Variants in UBE2E3 observed in about 807,000 individuals in gnomAD.
UBE2E3 encodes the protein ubiquitin conjugating enzyme E2 E3.
In UBE2E3, 5 loss-of-function variants were observed where a neutral mutation model predicts 23.6. The ratio of observed to expected loss-of-function variants is 0.21; its 90% confidence interval spans 0.11 to 0.44. The LOEUF is 0.44. UBE2E3 is among the 20% of genes least tolerant of loss of function. The probability of loss-of-function intolerance (pLI) is 0.99; values close to 1 mark genes in which losing one functional copy is unlikely to be tolerated. For synonymous variants in UBE2E3, 78 were observed against 87.5 expected (o/e 0.89, Z 0.60); for missense variants, 81 against 249.8 (o/e 0.32, Z 4.55).
Position 181,003,649 on chromosome 2 carries a change from A to G in UBE2E3, c.245+19556A>G, listed in dbSNP as rs140170115. 1.9e-3 allele frequency among the ~76,000 whole-genome samples: 291 copies of G among 152,328 alleles called. 1 individual carries two copies. Among genetic ancestry groups the G allele is most frequent in the African/African-American group, 6.8e-3 (284 of 41,568 alleles). ...TGAATATTATAAAACTTTATAAAACAAAATTTATTTGTTTGCACATAGTAC... is the reference window on the plus strand; with the variant it reads ...TGAATATTATAAAACTTTATAAAACGAAATTTATTTGTTTGCACATAGTAC... On this transcript the variant is annotated intron_variant, in intron 3 of 5. Coordinates refer to ENST00000410062, the MANE Select transcript of UBE2E3 (RefSeq NM_006357.4).
chr2:181,036,112 A>T (rs985745936), intron 3 of UBE2E3, among the ~76,000 whole-genome samples: 2 of 152,194 alleles, frequency 1.3e-5, no homozygotes, highest in South Asian at 2.1e-4. Context: ...GTACATTCTA[A>T]TTTTTGCAAA....
chr2:181,062,665 G>C (rs1446330622), intron 5 of UBE2E3, 126 bp from the exon 6 acceptor site: 1 of 419,512 alleles, frequency 2.4e-6, no homozygotes, highest in African/African-American at 2.1e-5. Flanking sequence ...TTTTTCTTTT[G>C]AAAATTTAGC....
At chr2:181,057,232 A>G (rs1418203474) in intron 3 of UBE2E3, among the ~76,000 whole-genome samples, 1 of 151,828 alleles carries the variant, frequency 6.6e-6, no homozygotes, top group African/African-American at 2.4e-5. Flanking sequence ...TACTTTAAAG[A>G]ATTGTATTAA....
intron 3 of UBE2E3, among the ~76,000 whole-genome samples, chr2:181,011,508 A>G (rs922621765): frequency 2.0e-5 from 3 of 152,048 alleles, no homozygotes; most frequent in African/African-American, 7.2e-5. Context: ...TTTGGAGGGG[A>G]CATTCAACCC....
In UBE2E3 at chr2:181,062,775, C is replaced by G. The variant is rs1289158682; in HGVS notation, c.527-16C>G. ...ATACCACAAAATAGCTTTTAATGTT[C>G]TTTCTGCTTTTCCAGCGGATCCTCT... is the stretch of plus-strand genomic sequence containing the variant. On this transcript the variant is annotated splice_polypyrimidine_tract_variant and intron_variant, in intron 5 of 5. Transcript: ENST00000410062. The G allele has an allele frequency of 1.3e-6, 2 of 1,547,140 alleles. No homozygotes were observed. Among genetic ancestry groups the G allele is most frequent in the Admixed American group, 1.7e-5 (1 of 58,596 alleles).
chr2:181,008,083 C>G (rs570869101), intron 3 of UBE2E3, among the ~76,000 whole-genome samples: 1 of 152,228 alleles, frequency 6.6e-6, no homozygotes, highest in South Asian at 2.1e-4. Flanking sequence ...GAGATTTAAT[C>G]AGTTTAAAGT....
Position 181,016,898 on chromosome 2 carries a change from G to A in UBE2E3, c.245+32805G>A, listed in dbSNP as rs577950704. 2.6e-5 allele frequency among the ~76,000 whole-genome samples: 4 copies of A among 152,300 alleles called. No homozygotes were observed. In the South Asian group the frequency reaches 8.3e-4, roughly 32 times the overall value. On this transcript the variant is annotated intron_variant, in intron 3 of 5. Coordinates refer to ENST00000410062, the MANE Select transcript of UBE2E3 (RefSeq NM_006357.4). Reference sequence around the variant, plus strand: ...GGTGGATATATATGAAAGATAGGAAGGACCAAGGGCCCAGAGAGAGGGAAC... The same window carrying A: ...GGTGGATATATATGAAAGATAGGAAAGACCAAGGGCCCAGAGAGAGGGAAC...
chr2:181,028,722 C>T (rs1339451502), intron 3 of UBE2E3, among the ~76,000 whole-genome samples: 2 of 151,840 alleles, frequency 1.3e-5, no homozygotes, highest in Non-Finnish European at 2.9e-5. Flanking sequence ...TATTTGTCCC[C>T]CTGCCCCCAA....
intron 3 of UBE2E3, among the ~76,000 whole-genome samples, chr2:181,023,534 A>G (rs2105631219): frequency 6.6e-6 from 1 of 152,304 alleles, no homozygotes; most frequent in Middle Eastern, 3.4e-3. Context: ...ACAAGAAGAC[A>G]GAGGAATTCG....
chr2:181,030,744 A>G (rs2887186), intron 3 of UBE2E3, among the ~76,000 whole-genome samples: 82,581 of 151,600 alleles, frequency 0.54, 23,465 homozygotes, highest in East Asian at 0.79. Flanking sequence ...TACAAGTCCC[A>G]TCTCTATATT....
chr2:181,043,669 G>A (rs535672536), intron 3 of UBE2E3, among the ~76,000 whole-genome samples: 6 of 152,078 alleles, frequency 3.9e-5, no homozygotes, highest in East Asian at 1.9e-4. Context: ...AATAATTAAC[G>A]ATAATCACCA....
At chr2:180,982,940 C>G (rs975379295) in intron 2 of UBE2E3, among the ~76,000 whole-genome samples, 1 of 152,106 alleles carries the variant, frequency 6.6e-6, no homozygotes, top group East Asian at 1.9e-4. Context: ...AGTTAATACT[C>G]AACAGCAGGA....
intron 1 of UBE2E3, chr2:180,981,516 G>C (rs755028081): frequency 1.3e-5 from 2 of 152,458 alleles, no homozygotes; most frequent in Non-Finnish European, 2.9e-5. Context: ...TGTGTTTAAA[G>C]GCTTTACGTG....
intron 3 of UBE2E3, chr2:180,989,877 T>C: frequency 6.5e-7 from 1 of 1,543,454 alleles, no homozygotes; most frequent in Non-Finnish European, 8.8e-7. Flanking sequence ...ATGTTTACTT[T>C]TCAGGAAAAT....
At chr2:181,002,848 C>G (rs1685029065) in intron 3 of UBE2E3, among the ~76,000 whole-genome samples, 1 of 152,112 alleles carries the variant, frequency 6.6e-6, no homozygotes, top group Non-Finnish European at 1.5e-5. Flanking sequence ...TTTTATTGTG[C>G]ATAGATTTCA....
chr2:181,008,435 G>T (rs1300388322), intron 3 of UBE2E3, among the ~76,000 whole-genome samples: 1 of 152,218 alleles, frequency 6.6e-6, no homozygotes, highest in Admixed American at 6.5e-5. Context: ...CAGAGTTCAT[G>T]CTCTTAACTG....
intron 3 of UBE2E3, among the ~76,000 whole-genome samples, chr2:181,036,692 T>C (rs1210442783): frequency 6.6e-6 from 1 of 152,238 alleles, no homozygotes; most frequent in Non-Finnish European, 1.5e-5. Context: ...AGCCACCCTC[T>C]ACCCTGAACT....
chr2:181,003,185 G>A (rs1685039310), intron 3 of UBE2E3, among the ~76,000 whole-genome samples: 2 of 152,148 alleles, frequency 1.3e-5, no homozygotes, highest in African/African-American at 4.8e-5. Context: ...ATTTAGTAAG[G>A]AGCTTATATT....
At chr2:181,013,959 A>G (rs1253794594) in intron 3 of UBE2E3, among the ~76,000 whole-genome samples, 2 of 152,212 alleles carry the variant, frequency 1.3e-5, no homozygotes, top group Non-Finnish European at 1.5e-5. Context: ...CTGGAAGATC[A>G]GTAACATGCT....
Sources: allele counts gnomAD v4.1 joint callset (sites outside exome capture counted in the v4.1 genomes callset), GRCh38; gene constraint gnomAD v4.1.1; transcripts MANE v1.5; gene names NCBI Gene and HGNC (gene_info 2026-07-23, HGNC 2026-07-21).